Variants in DOC2A observed in about 807,000 individuals in gnomAD.
DOC2A encodes the protein double C2 domain alpha, also known as double C2-like domain-containing protein alpha.
A neutral mutation model predicts 40.6 loss-of-function variants in DOC2A; 28 were observed. That is an observed-to-expected ratio of 0.69 (90% CI 0.51 to 0.95). The LOEUF is 0.95. DOC2A is among the 40% of genes least tolerant of loss of function. The probability of loss-of-function intolerance (pLI) is 0.00; values close to 1 mark genes in which losing one functional copy is unlikely to be tolerated. For synonymous variants in DOC2A, 241 were observed against 236.9 expected (o/e 1.02, Z -0.16); for missense variants, 474 against 552.5 (o/e 0.86, Z 1.42).
chr16:30,006,101 C>T lies in DOC2A; in HGVS notation c.*85G>A. 1 of 1,465,926 alleles carries T rather than the reference C, an allele frequency of 6.8e-7. No individual in the cohort carries two copies. Among genetic ancestry groups the T allele is most frequent in the Non-Finnish European group, 9.1e-7 (1 of 1,094,910 alleles). The allele number at this position is 1,465,926 out of a possible 1,614,324, so 90.8% of individuals were successfully genotyped here. On this transcript the variant is annotated 3_prime_UTR_variant, in exon 11 of 11. Coordinates refer to ENST00000350119, the MANE Select transcript of DOC2A (RefSeq NM_003586.3). The surrounding 1 kb of genome is among the most constrained non-coding windows in gnomAD (Gnocchi z 6.2). ...GGTAGTGCAGGGTGGGGGCAGCCCA[C>T]CCTGTGTAAACGTGCAACACACTCG...
upstream of DOC2A, among the ~76,000 whole-genome samples, chr16:30,015,416 A>G (rs973973464): frequency 2.0e-5 from 3 of 152,150 alleles, no homozygotes; most frequent in South Asian, 2.1e-4. Flanking sequence ...CTCGGGTTCA[A>G]GTGATTCTCC....
chr16:30,013,158 C>CAAAAAAA (rs1171077200), upstream of DOC2A, among the ~76,000 whole-genome samples: 3 of 39,186 alleles, frequency 7.7e-5, 1 homozygote, highest in Non-Finnish European at 1.3e-4. Flanking sequence ...CCTGTCTCTA[C>CAAAAAAA]AAAAAAAAAA....
chr16:30,005,789 G>A lies in DOC2A; in HGVS notation c.*397C>T, dbSNP rs1441893657. 5 of 464,204 alleles carry A rather than the reference G, an allele frequency of 1.1e-5. No individual in the cohort carries two copies. The highest frequency in any genetic ancestry group is 2.6e-5 in the South Asian group (1 of 38,170). The allele number at this position is 464,204 out of a possible 1,614,324, so 28.8% of individuals were successfully genotyped here. On this transcript the variant is annotated 3_prime_UTR_variant, in exon 11 of 11. Transcript: ENST00000350119. ...GTTTCTGTATTAAAGGAGTGGCTCTGGGTTTGTTTTTTGTCCTTTTTTTTT... is the reference window on the plus strand; with the variant it reads ...GTTTCTGTATTAAAGGAGTGGCTCTAGGTTTGTTTTTTGTCCTTTTTTTTT...
Position 30,010,785 on chromosome 16 carries a change from T to C in DOC2A, c.-14+118A>G, listed in dbSNP as rs192663805. 245 of 750,108 alleles carry C rather than the reference T, an allele frequency of 3.3e-4. 2 individuals carry two copies. The East Asian group carries it at 0.015, about 46-fold the overall frequency. The allele number at this position is 750,108 out of a possible 1,614,324, so 46.5% of individuals were successfully genotyped here. A position where few individuals can be genotyped will look rare whatever the true frequency, so the allele number is the denominator to read the frequency against. On this transcript the variant is annotated intron_variant, in intron 1 of 10. Coordinates refer to ENST00000350119, the MANE Select transcript of DOC2A (RefSeq NM_003586.3). The surrounding 1 kb of genome is among the most constrained non-coding windows in gnomAD (Gnocchi z 4.2). ...CCCAGCCTCAGATGCCACCTCTGGC[T>C]CCTCAGGGGAGCCAGAAATTGCAGC... is the stretch of plus-strand genomic sequence containing the variant.
chr16:30,015,180 G>T (rs912534295), upstream of DOC2A: 1 of 152,176 alleles, frequency 6.6e-6, no homozygotes, highest in Admixed American at 6.5e-5. Flanking sequence ...CCTCTGGGGA[G>T]ACAGGGCAGG....
At chr16:30,022,728 G>C (rs2070931022), upstream of DOC2A, among the ~76,000 whole-genome samples, 1 of 152,108 alleles carries the variant, frequency 6.6e-6, no homozygotes, top group African/African-American at 2.4e-5. Flanking sequence ...CTGAGGTGAG[G>C]AGTTCAAGAC....
chr16:30,007,274 G>A lies in DOC2A; in HGVS notation c.553C>T (p.Leu185=). The A allele has an allele frequency of 1.2e-6, 2 of 1,613,976 alleles. No individual in the cohort carries two copies. Among genetic ancestry groups the A allele is most frequent in the Non-Finnish European group, 1.7e-6 (2 of 1,180,034 alleles). ...TCCCCAATAAACTCATTGTGACTCA[G>A]CTTGTCCTCATCACAGACGGCGATC... ...LRIAVCDEDK[L]SHNEFIGEIR... is the part of the protein sequence containing the mutation. Residue 185 remains leucine, a synonymous_variant, in exon 6 of 11, where the codon CTG becomes TTG. Transcript: ENST00000350119.
rs2070729556 is a variant in DOC2A, at chr16:30,009,952, C to G, written c.262+9G>C. 1 of 1,610,984 alleles carries G rather than the reference C, an allele frequency of 6.2e-7. No individual in the cohort carries two copies. The highest frequency in any genetic ancestry group is 1.3e-5 in the African/African-American group (1 of 74,808). Reference sequence around the variant, plus strand: ...CCAGCACATGGGGCCTCCAAGCCCCCAGACTCACTGGCATCATCCGAGTCA... The same window carrying G: ...CCAGCACATGGGGCCTCCAAGCCCCGAGACTCACTGGCATCATCCGAGTCA... On this transcript the variant is annotated intron_variant, in intron 2 of 10. Coordinates refer to ENST00000350119, the MANE Select transcript of DOC2A (RefSeq NM_003586.3). This position sits in a 1 kb window ranked among gnomAD's most constrained non-coding sequence, Gnocchi z 4.1.
rs770312614 is a variant in DOC2A at position 30,006,248 on chromosome 16, C to G, written c.1141G>C (p.Glu381Gln). 6.3e-7 allele frequency: 1 copy of G among 1,595,200 alleles called. No individual in the cohort carries two copies. The highest frequency in any genetic ancestry group is 8.5e-7 in the Non-Finnish European group (1 of 1,172,014). ...DCLQQPDAAL[E>Q]RWHTLTSELP... The stretch of plus-strand genomic sequence containing the variant: ...TCACTGGTCAGGGTGTGCCAGCGCT[C>G]CAGGGCTGCGTCCGGCTGCTGCAGG... The change falls in exon 11 of 11, where the codon GAG becomes CAG. Residue 381 changes from glutamate to glutamine, a missense_variant. Coordinates refer to ENST00000350119, the MANE Select transcript of DOC2A (RefSeq NM_003586.3). The surrounding 1 kb of genome is among the most constrained non-coding windows in gnomAD (Gnocchi z 6.2).
At position 30,009,662 on chromosome 16, in the gene DOC2A, CGA is replaced by C. The variant is rs1188193288; in HGVS notation, c.263-107_263-106del. 1.2e-5 allele frequency: 13 copies of C among 1,128,650 alleles called. No homozygotes were observed. The East Asian group carries it at 2.6e-4, about 22-fold the overall frequency. 69.9% of individuals were successfully genotyped at this position (1,128,650 alleles called of 1,614,324 possible). A position where few individuals can be genotyped will look rare whatever the true frequency, so the allele number is the denominator to read the frequency against. ...TGTGTCTCTCTCTCTTGCCAGCCCGCGAGTGTGAGTGCAAGAGGCTGAGTGGG... is the reference window on the plus strand; with the variant it reads ...TGTGTCTCTCTCTCTTGCCAGCCCGCGTGTGAGTGCAAGAGGCTGAGTGGG... On this transcript the variant is annotated intron_variant, in intron 2 of 10. Transcript: ENST00000350119. This position sits in a 1 kb window ranked among gnomAD's most constrained non-coding sequence, Gnocchi z 4.1.
upstream of DOC2A, among the ~76,000 whole-genome samples, chr16:30,016,049 A>T (rs1382777720): frequency 2.2e-4 from 5 of 22,524 alleles, no homozygotes; most frequent in East Asian, 3.6e-3. Context: ...ATATATATAT[A>T]TATATATTTT....
At chr16:30,014,423 CAGG>C (rs764988604), upstream of DOC2A, among the ~76,000 whole-genome samples, 19 of 151,906 alleles carry the variant, frequency 1.3e-4, no homozygotes, top group Non-Finnish European at 2.5e-4. Context: ...ATCACGAGGT[CAGG>C]AGATCGAGAC....
rs1166337409 is a variant in DOC2A at position 30,006,033 on chromosome 16, C to T, written c.*153G>A. 3.9e-5 allele frequency: 34 copies of T among 862,666 alleles called. No homozygotes were observed. The highest frequency in any genetic ancestry group is 5.6e-5 in the Non-Finnish European group (32 of 574,912). 53.4% of individuals were successfully genotyped at this position (862,666 alleles called of 1,614,324 possible). On this transcript the variant is annotated 3_prime_UTR_variant, in exon 11 of 11. Transcript: ENST00000350119. This position sits in a 1 kb window ranked among gnomAD's most constrained non-coding sequence, Gnocchi z 6.2. ...ATGTGAATATAGAACTCCGCAGCCC[C>T]TCATGAGCAGACAGACCCGGGTCAC...
At position 30,006,662 on chromosome 16, in the gene DOC2A, A is replaced by G. The variant is rs377070855; in HGVS notation, c.894T>C (p.Asp298=). ...TCTTATGCTTGGATTTCTTGTCCAC[A>G]TCGGGCCTCAGGTACCTGGGGGTGG... ...DPYVKTYLRP[D]VDKKSKHKTC... is the part of the protein sequence containing the mutation. The change falls in exon 9 of 11, where the codon GAT becomes GAC. Residue 298 remains aspartate, a synonymous_variant. Coordinates refer to ENST00000350119, the MANE Select transcript of DOC2A (RefSeq NM_003586.3). This position sits in a 1 kb window ranked among gnomAD's most constrained non-coding sequence, Gnocchi z 6.2. 2.0e-4 allele frequency: 326 copies of G among 1,612,982 alleles called. No homozygotes were observed. Among genetic ancestry groups the G allele is most frequent in the Non-Finnish European group, 2.6e-4 (309 of 1,179,838 alleles).
rs371916491 is a variant in DOC2A at position 30,009,319 on chromosome 16, C to T, written c.343-43G>A. Reference sequence around the variant, plus strand: ...GGAGAGGGCTAGAGGCTCCCGGCACCTCTCTCCATCCCTCTTGTAGAGCTG... The same window carrying T: ...GGAGAGGGCTAGAGGCTCCCGGCACTTCTCTCCATCCCTCTTGTAGAGCTG... On this transcript the variant is annotated intron_variant, in intron 3 of 10. Coordinates refer to ENST00000350119, the MANE Select transcript of DOC2A (RefSeq NM_003586.3). The surrounding 1 kb of genome is among the most constrained non-coding windows in gnomAD (Gnocchi z 4.1). 43 of 1,532,184 alleles carry T rather than the reference C, an allele frequency of 2.8e-5. No homozygotes were observed. The African/African-American group carries it at 5.6e-4, about 20-fold the overall frequency. The allele number at this position is 1,532,184 out of a possible 1,614,324, so 94.9% of individuals were successfully genotyped here. A position where few individuals can be genotyped will look rare whatever the true frequency, so the allele number is the denominator to read the frequency against.
upstream of DOC2A, chr16:30,013,611 A>AAAATAAAAAAAAAT (rs2070820638): frequency 6.6e-6 from 1 of 150,852 alleles, no homozygotes; most frequent in Admixed American, 6.6e-5. Flanking sequence ...CTCAAAAAAA[A>AAAATAAAAAAAAAT]AAAAAAAAAA....
intron 5 of DOC2A, chr16:30,007,518 T>C (rs2070653811): frequency 1.6e-6 from 1 of 622,058 alleles, no homozygotes; most frequent in South Asian, 1.9e-5. Context: ...TCAGCCATTG[T>C]GGGAAGCCCT....
intron 1 of DOC2A, among the ~76,000 whole-genome samples, chr16:30,019,334 G>A (rs569004166): frequency 1.3e-5 from 2 of 152,078 alleles, no homozygotes; most frequent in South Asian, 4.2e-4. Flanking sequence ...AGAAGAGATT[G>A]AAGAGTCCAT....
chr16:30,014,411 G>A (rs1237737961), upstream of DOC2A, among the ~76,000 whole-genome samples: 5 of 151,982 alleles, frequency 3.3e-5, no homozygotes, highest in Admixed American at 6.5e-5. Context: ...CAAGGCGGGT[G>A]GATCACGAGG....
Sources: allele counts gnomAD v4.1 joint callset (sites outside exome capture counted in the v4.1 genomes callset), GRCh38; gene constraint gnomAD v4.1.1; non-coding constraint Gnocchi (gnomAD v3.1); transcripts MANE v1.5; gene names NCBI Gene and HGNC (gene_info 2026-07-23, HGNC 2026-07-21).